NCKAP5: variants seen among roughly 807,000 people sequenced by gnomAD.
NCKAP5 encodes the protein NCK associated protein 5.
Under a neutral mutation model 167.0 loss-of-function variants are expected in NCKAP5, and 92 were observed. The observed-to-expected ratio is 0.55, with a 90% CI of 0.47 to 0.66. The LOEUF is 0.66. NCKAP5 is among the 30% of genes least tolerant of loss of function. NCKAP5 has a pLI of 0.00. For synonymous variants in NCKAP5, 891 were observed against 877.4 expected (o/e 1.02, Z -0.27); for missense variants, 2,378 against 2,315.0 (o/e 1.03, Z -0.56).
intron 3 of NCKAP5, among the ~76,000 whole-genome samples, chr2:133,379,055 C>T (rs957489823): frequency 3.9e-5 from 6 of 152,168 alleles, no homozygotes; most frequent in Non-Finnish European, 7.4e-5. Flanking sequence ...AGCACTGCCT[C>T]GTCAATAATG....
At chr2:132,895,834 CAAAA>C (rs796888286) in intron 8 of NCKAP5, among the ~76,000 whole-genome samples, 1 of 85,734 alleles carries the variant, frequency 1.2e-5, no homozygotes, top group Admixed American at 1.2e-4. Context: ...AAAAAAAAAA[CAAAA>C]AAAAAAACAC....
At chr2:133,011,224 A>C (rs1048095240) in intron 6 of NCKAP5, among the ~76,000 whole-genome samples, 1 of 152,196 alleles carries the variant, frequency 6.6e-6, no homozygotes, top group African/African-American at 2.4e-5. Flanking sequence ...CTCACTACAC[A>C]AACATGAGAA....
At chr2:132,686,949 G>A in intron 19 of NCKAP5, among the ~76,000 whole-genome samples, 1 of 152,154 alleles carries the variant, frequency 6.6e-6, no homozygotes, top group East Asian at 1.9e-4. Context: ...ATTACAGATT[G>A]CAAGGTTAGA....
At chr2:132,916,628 T>C (rs905790416) in intron 8 of NCKAP5, among the ~76,000 whole-genome samples, 1 of 152,114 alleles carries the variant, frequency 6.6e-6, no homozygotes, top group African/African-American at 2.4e-5. Flanking sequence ...GGACATTTAT[T>C]GCTTGTAAAA....
At chr2:133,244,260 G>A (rs919327621) in intron 4 of NCKAP5, among the ~76,000 whole-genome samples, 1 of 151,986 alleles carries the variant, frequency 6.6e-6, no homozygotes, top group Admixed American at 6.6e-5. Context: ...CATCTTTATT[G>A]TCAAATTCCC....
intron 3 of NCKAP5, among the ~76,000 whole-genome samples, chr2:133,310,653 C>T (rs1328645882): frequency 6.6e-6 from 1 of 152,168 alleles, no homozygotes; most frequent in Non-Finnish European, 1.5e-5. Context: ...CAAACAGGTC[C>T]CTTTGGATGT....
rs117095632 is a variant in NCKAP5 at position 132,956,321 on chromosome 2, G to A, written c.579+7399C>T. ...AGCTTTAAATGTCACTCTAAAAGTG[G>A]TTTCTGTGGTTCTCAATCCTGGCTG... On this transcript the variant is annotated intron_variant, in intron 8 of 19. Transcript: ENST00000409261. Among the ~76,000 whole-genome samples the A allele has an allele frequency of 1.5e-4, 23 of 152,282 alleles. No homozygotes were observed. In the East Asian group the frequency reaches 4.4e-3, roughly 29 times the overall value.
chr2:132,893,456 G>A (rs997094767), intron 8 of NCKAP5, among the ~76,000 whole-genome samples: 2 of 151,978 alleles, frequency 1.3e-5, no homozygotes, highest in African/African-American at 4.8e-5. Context: ...TTATATAATG[G>A]GATACTATAT....
intron 8 of NCKAP5, among the ~76,000 whole-genome samples, chr2:132,961,189 A>C (rs2149195153): frequency 6.6e-6 from 1 of 152,194 alleles, no homozygotes; most frequent in South Asian, 2.1e-4. Flanking sequence ...TCCTACAATA[A>C]TGTTTAACCC....
At chr2:132,797,186 G>A (rs576425995) in intron 11 of NCKAP5, among the ~76,000 whole-genome samples, 1 of 152,304 alleles carries the variant, frequency 6.6e-6, no homozygotes, top group East Asian at 1.9e-4. Context: ...TTGATCTTGT[G>A]AAATCTTCCC....
intron 11 of NCKAP5, among the ~76,000 whole-genome samples, chr2:132,821,034 G>C (rs1016730430): frequency 6.6e-6 from 1 of 152,216 alleles, no homozygotes. Context: ...AGAGGAGACA[G>C]GGTGAATGTG....
chr2:133,254,702 T>C (rs1559321872), intron 4 of NCKAP5, among the ~76,000 whole-genome samples: 1 of 152,040 alleles, frequency 6.6e-6, no homozygotes. Flanking sequence ...TTTATAGGAG[T>C]TTGGGTGAAG....
At chr2:133,093,218 A>G (rs1403576541) in intron 6 of NCKAP5, among the ~76,000 whole-genome samples, 1 of 152,224 alleles carries the variant, frequency 6.6e-6, no homozygotes, top group East Asian at 1.9e-4. Flanking sequence ...TTCAATTAAA[A>G]AACAAAGGCC....
chr2:133,501,556 A>G (rs887773896), intron 3 of NCKAP5, among the ~76,000 whole-genome samples: 2 of 152,214 alleles, frequency 1.3e-5, no homozygotes, highest in Non-Finnish European at 2.9e-5. Flanking sequence ...ACTAATCAGA[A>G]TATTTTATTT....
chr2:132,777,674 G>A (rs1050638862), intron 15 of NCKAP5, among the ~76,000 whole-genome samples: 14 of 152,084 alleles, frequency 9.2e-5, no homozygotes, highest in Admixed American at 4.6e-4. Context: ...TTTCTTATTA[G>A]CACCAAAATA....
At chr2:132,998,131 G>A (rs1216957302) in intron 6 of NCKAP5, among the ~76,000 whole-genome samples, 1 of 152,062 alleles carries the variant, frequency 6.6e-6, no homozygotes, top group Non-Finnish European at 1.5e-5. Context: ...CTTAAAAGTG[G>A]CCAAATAGTT....
intron 3 of NCKAP5, among the ~76,000 whole-genome samples, chr2:133,462,205 C>A (rs1194889092): frequency 2.0e-5 from 3 of 152,186 alleles, no homozygotes; most frequent in Admixed American, 6.5e-5. Context: ...TCAATTCCAG[C>A]TCTCATCATT....
At chr2:133,188,727 T>A (rs976283421) in intron 5 of NCKAP5, among the ~76,000 whole-genome samples, 3 of 152,126 alleles carry the variant, frequency 2.0e-5, no homozygotes, top group Non-Finnish European at 4.4e-5. Context: ...AGGTGTTCTT[T>A]GAAATCAATG....
chr2:133,259,173 C>A (rs1310391375), intron 4 of NCKAP5, among the ~76,000 whole-genome samples: 1 of 152,116 alleles, frequency 6.6e-6, no homozygotes. Flanking sequence ...TACTCTCCTT[C>A]CCCCAGCTGG....
Sources: gnomAD v4.1 joint callset for allele counts (sites outside exome capture counted in the v4.1 genomes callset) on GRCh38, gnomAD v4.1.1 for gene constraint, MANE v1.5 for transcripts, NCBI Gene and HGNC (gene_info 2026-07-23, HGNC 2026-07-21) for gene names.